Variants in COL18A1 observed in about 807,000 individuals in gnomAD.
COL18A1 encodes collagen alpha-1(XVIII) chain.
A neutral mutation model predicts 168.0 loss-of-function variants in COL18A1; 133 were observed. The observed-to-expected ratio is 0.79, with a 90% confidence interval of 0.69 to 0.91. COL18A1 has a LOEUF of 0.91. Ranked by LOEUF, COL18A1 falls within the 40% of genes least tolerant of loss-of-function variation. The pLI is 0.00. For missense variants in COL18A1, 2,126 were observed against 1,925.4 expected (o/e 1.10, Z -1.95); for synonymous variants, 949 against 809.0 (o/e 1.17, Z -2.94).
rs186302268 is a variant in COL18A1 at position 45,463,154 on chromosome 21, A to G, written c.107-5088A>G. Among the ~76,000 whole-genome samples the G allele has an allele frequency of 3.0e-3, 461 of 152,364 alleles. 1 individual carries two copies. Among genetic ancestry groups the G allele is most frequent in the Non-Finnish European group, 4.7e-3 (323 of 68,044 alleles). On this transcript the variant is annotated intron_variant, in intron 2 of 41. Transcript: ENST00000651438. This position sits in a 1 kb window ranked among gnomAD's most constrained non-coding sequence, Gnocchi z 4.0. Reference sequence around the variant, plus strand: ...TCCCCTTCAAGTCACTTCAGCTGGAAGGGGCAGCTTGCAACAACAGAGGGA... The same window carrying G: ...TCCCCTTCAAGTCACTTCAGCTGGAGGGGGCAGCTTGCAACAACAGAGGGA...
chr21:45,488,822 G>T (rs2036202672), intron 18 of COL18A1, among the ~76,000 whole-genome samples: 1 of 152,030 alleles, frequency 6.6e-6, no homozygotes, highest in Non-Finnish European at 1.5e-5. Flanking sequence ...CAGAGCCGTG[G>T]TGACCTTGTA....
At position 45,474,341 on chromosome 21, in the gene COL18A1, ATG is replaced by A. The variant is rs1226896545; in HGVS notation, c.738+370_738+371del. ...TGTCTGTCTTGTGTGTTGTGTGTGG[ATG>A]TGTGTGTGTCTGTGTGGTGTGTCTG... is the stretch of plus-strand genomic sequence containing the variant. On this transcript the variant is annotated intron_variant, in intron 4 of 41. Transcript: ENST00000651438. Among the ~76,000 whole-genome samples the A allele has an allele frequency of 9.2e-5, 12 of 129,846 alleles. No homozygotes were observed. In the East Asian group the frequency reaches 2.2e-3, roughly 24 times the overall value. 85.2% of individuals were successfully genotyped at this position (129,846 alleles called of 152,430 possible).
At chr21:45,480,654 G>A (rs747124629) in intron 12 of COL18A1, 46 bp from the exon 13 acceptor site, 3 of 1,611,186 alleles carry the variant, frequency 1.9e-6, no homozygotes. Context: ...GTCATCCCTG[G>A]TGGGTGCCAC....
intron 26 of COL18A1, 130 bp downstream of exon 26, chr21:45,493,705 A>C: frequency 4.2e-6 from 3 of 711,274 alleles, no homozygotes; most frequent in Non-Finnish European, 4.7e-6. Context: ...TCTACCATCC[A>C]GGCCTGGCCC....
intron 2 of COL18A1, among the ~76,000 whole-genome samples, chr21:45,458,807 A>G (rs114463439): frequency 0.019 from 2,867 of 152,136 alleles, 91 homozygotes; most frequent in African/African-American, 0.065. Context: ...ACCCTGCCCT[A>G]GCCCTGCCAG....
intron 15 of COL18A1, among the ~76,000 whole-genome samples, chr21:45,483,158 T>C (rs906343507): frequency 6.6e-6 from 1 of 152,170 alleles, no homozygotes; most frequent in Non-Finnish European, 1.5e-5. Context: ...TCCAGGAGCT[T>C]TGGGAGGAGG....
At chr21:45,493,738 C>A in intron 26 of COL18A1, 163 bp downstream of exon 26, 1 of 623,356 alleles carries the variant, frequency 1.6e-6, no homozygotes. Context: ...CTTTCTCGCA[C>A]CCATGTCGGC....
rs1360551500 is a variant in COL18A1, at chr21:45,471,328, A to G, written c.651+2542A>G. On this transcript the variant is annotated intron_variant, in intron 3 of 41. Coordinates refer to ENST00000651438, the MANE Select transcript of COL18A1 (RefSeq NM_001379500.1). The surrounding 1 kb of genome is among the most constrained non-coding windows in gnomAD (Gnocchi z 4.4). ...GAGGAGAAGCATGCTTGTGTGGTAG[A>G]AAAGAAGACAGACTTGTTCAGCACA... is the stretch of plus-strand genomic sequence containing the variant. Among the ~76,000 whole-genome samples, 1 of 152,228 alleles carries G rather than the reference A, an allele frequency of 6.6e-6. No homozygotes were observed. The highest frequency in any genetic ancestry group is 2.4e-5 in the African/African-American group (1 of 41,462).
chr21:45,486,328 G>A (rs543570494), intron 15 of COL18A1, among the ~76,000 whole-genome samples: 16 of 127,290 alleles, frequency 1.3e-4, no homozygotes, highest in Admixed American at 7.5e-4. Flanking sequence ...TTCTCCCCTC[G>A]CCTGCCGGGG....
At chr21:45,414,190 G>T (rs996570614) in intron 2 of COL18A1, among the ~76,000 whole-genome samples, 7 of 152,182 alleles carry the variant, frequency 4.6e-5, no homozygotes, top group Non-Finnish European at 8.8e-5. Context: ...CTGCTGCCCT[G>T]CCTCTTGCTA....
At chr21:45,406,153 C>T (rs2033102156) in intron 2 of COL18A1, among the ~76,000 whole-genome samples, 1 of 152,234 alleles carries the variant, frequency 6.6e-6, no homozygotes, top group Non-Finnish European at 1.5e-5. Flanking sequence ...CCCAGTTCCC[C>T]ACCACCTGCT....
intron 8 of COL18A1, 82 bp from the exon 9 acceptor site, chr21:45,478,245 T>G: frequency 6.3e-7 from 1 of 1,577,536 alleles, no homozygotes. Flanking sequence ...ACTTGGAGCG[T>G]GGGGTGCATT....
intron 15 of COL18A1, 81 bp from the exon 16 acceptor site, chr21:45,486,780 T>C: frequency 2.1e-6 from 3 of 1,453,122 alleles, no homozygotes; most frequent in Non-Finnish European, 2.8e-6. Flanking sequence ...GAAAGCATCA[T>C]AAGAAAACGT....
chr21:45,438,814 G>C (rs1333188175), intron 2 of COL18A1, among the ~76,000 whole-genome samples: 1 of 152,264 alleles, frequency 6.6e-6, no homozygotes, highest in Non-Finnish European at 1.5e-5. Flanking sequence ...AGGTCTGTCT[G>C]TGCAGCCGGA....
chr21:45,497,098 G>A lies in COL18A1; in HGVS notation c.2620+6G>A. The A allele has an allele frequency of 6.4e-7, 1 of 1,563,034 alleles. No individual in the cohort carries two copies. The highest frequency in any genetic ancestry group is 8.7e-7 in the Non-Finnish European group (1 of 1,142,882). ...CGGGCCTCCAGGATTGCCAGGTGAGGGTCCTGGGCTCACAGCTGGGGACAC... is the reference window on the plus strand; with the variant it reads ...CGGGCCTCCAGGATTGCCAGGTGAGAGTCCTGGGCTCACAGCTGGGGACAC... On this transcript the variant is annotated splice_donor_region_variant and intron_variant, in intron 31 of 41. Coordinates refer to ENST00000651438, the MANE Select transcript of COL18A1 (RefSeq NM_001379500.1).
intron 19 of COL18A1, among the ~76,000 whole-genome samples, chr21:45,489,833 CCCCCTCCCCCACACTGCCTCCCCCACTTG>C (rs1382299065): frequency 3.1e-5 from 4 of 130,436 alleles, no homozygotes; most frequent in East Asian, 2.7e-4. Flanking sequence ...TCCCCGACTT[CCCCCTCCCCCACACTGCCTCCCCCACTTG>C]CCCCTCCCCC....
intron 2 of COL18A1, among the ~76,000 whole-genome samples, chr21:45,427,450 C>T (rs2033836689): frequency 6.6e-6 from 1 of 152,152 alleles, no homozygotes; most frequent in Non-Finnish European, 1.5e-5. Flanking sequence ...GGCCTCTTGA[C>T]CCGCCTGGCA....
At chr21:45,411,987 C>T (rs554890037) in intron 2 of COL18A1, among the ~76,000 whole-genome samples, 44 of 152,298 alleles carry the variant, frequency 2.9e-4, no homozygotes, top group Admixed American at 2.4e-3. Flanking sequence ...ACTAAGGGGC[C>T]GTCGTGTTTC....
intron 25 of COL18A1, 80 bp downstream of exon 25, chr21:45,493,305 GA>G: frequency 6.7e-7 from 1 of 1,484,858 alleles, no homozygotes; most frequent in Non-Finnish European, 9.2e-7. Context: ...CCACTGTTGG[GA>G]GGGACCTGGG....
Sources: allele counts gnomAD v4.1 joint callset (sites outside exome capture counted in the v4.1 genomes callset), GRCh38; gene constraint gnomAD v4.1.1; non-coding constraint Gnocchi (gnomAD v3.1); transcripts MANE v1.5; gene names NCBI Gene and HGNC (gene_info 2026-07-23, HGNC 2026-07-21).